HIF3A: variants seen among roughly 807,000 people sequenced by gnomAD.
The protein encoded by HIF3A is hypoxia inducible factor 3 subunit alpha, also known as hypoxia-inducible factor 3-alpha.
Under a neutral mutation model 67.2 loss-of-function variants are expected in HIF3A, and 41 were observed. The ratio of observed to expected loss-of-function variants is 0.61; its 90% CI spans 0.48 to 0.79. HIF3A has a LOEUF of 0.79. Among genes scored for constraint, HIF3A ranks in the 30% least tolerant of loss-of-function variants. HIF3A has a pLI of 0.00. For missense variants in HIF3A, 855 were observed against 898.0 expected (o/e 0.95, Z 0.61); for synonymous variants, 356 against 374.8 (o/e 0.95, Z 0.58).
At chr19:46,302,332 A>G (rs1968411443) in intron 1 of HIF3A, among the ~76,000 whole-genome samples, 1 of 152,100 alleles carries the variant, frequency 6.6e-6, no homozygotes, top group South Asian at 2.1e-4. Context: ...GGGTTTCACC[A>G]TGTTAGCCAG....
chr19:46,308,582 C>T (rs1601230734), intron 4 of HIF3A, 81 bp from the exon 5 acceptor site: 8 of 817,862 alleles, frequency 9.8e-6, no homozygotes, highest in Non-Finnish European at 1.6e-5. Flanking sequence ...GCTGGGGAGG[C>T]CTGAGCAGCC....
chr19:46,330,395 G>C (rs1971112225), intron 12 of HIF3A, among the ~76,000 whole-genome samples: 1 of 152,118 alleles, frequency 6.6e-6, no homozygotes, highest in African/African-American at 2.4e-5. Flanking sequence ...TGGATGTCTG[G>C]GTAGACAGAA....
At chr19:46,312,882 A>ATTTTTT (rs531816670) in intron 8 of HIF3A, 441 of 875,976 alleles carry the variant, frequency 5.0e-4, no homozygotes, top group Non-Finnish European at 5.4e-4. Flanking sequence ...TAGACTGTTA[A>ATTTTTT]TTTTTTTTTT....
intron 12 of HIF3A, 134 bp downstream of exon 12, chr19:46,329,612 A>T: frequency 9.1e-7 from 1 of 1,101,672 alleles, no homozygotes; most frequent in East Asian, 2.9e-5. Context: ...CGGTGGGCCC[A>T]GCACATGCCA....
chr19:46,319,833 TCCTC>T (rs1472715062), intron 8 of HIF3A, among the ~76,000 whole-genome samples: 4 of 152,252 alleles, frequency 2.6e-5, no homozygotes, highest in South Asian at 2.1e-4. Context: ...CCCTCAGTCT[TCCTC>T]CTCTCTGCCC....
intron 8 of HIF3A, chr19:46,313,031 C>T (rs1969602051): frequency 2.1e-6 from 2 of 967,044 alleles, no homozygotes; most frequent in Non-Finnish European, 1.2e-6. Flanking sequence ...GGGCGGATTG[C>T]CTGAGCTCAG....
chr19:46,332,675 A>G (rs1312576244), intron 13 of HIF3A, among the ~76,000 whole-genome samples: 2 of 152,012 alleles, frequency 1.3e-5, no homozygotes, highest in Non-Finnish European at 2.9e-5. Context: ...TGAATATGAG[A>G]TGTGGTTGAT....
chr19:46,311,954 G>A (rs569633282), intron 6 of HIF3A: 19 of 751,196 alleles, frequency 2.5e-5, no homozygotes, highest in African/African-American at 1.2e-4. Flanking sequence ...TACAGATTCC[G>A]GGAATTAGGA....
intron 8 of HIF3A, among the ~76,000 whole-genome samples, chr19:46,314,759 A>G (rs1243450000): frequency 6.8e-6 from 1 of 146,404 alleles, no homozygotes; most frequent in Non-Finnish European, 1.5e-5. Flanking sequence ...GGGTTTCACC[A>G]TGTTGGCCAG....
intron 3 of HIF3A, among the ~76,000 whole-genome samples, chr19:46,306,751 C>G (rs540852497): frequency 7.9e-5 from 12 of 152,186 alleles, no homozygotes; most frequent in African/African-American, 2.9e-4. Context: ...CTTTTTGGAC[C>G]CAGAGAGATG....
intron 13 of HIF3A, among the ~76,000 whole-genome samples, chr19:46,332,670 A>G (rs1326819193): frequency 1.3e-5 from 2 of 152,142 alleles, no homozygotes; most frequent in Non-Finnish European, 2.9e-5. Context: ...TTGTTTGAAT[A>G]TGAGATGTGG....
At chr19:46,299,441 C>T (rs556297895) in intron 1 of HIF3A, among the ~76,000 whole-genome samples, 86 of 152,266 alleles carry the variant, frequency 5.6e-4, no homozygotes, top group African/African-American at 2.0e-3. Flanking sequence ...ACGGGCAGGC[C>T]GGGTGCGGTG....
In HIF3A at chr19:46,300,970, C is replaced by T. The variant is rs551987354; in HGVS notation, c.27-2928C>T. ...CACTGGCCCCACCTCCCTGCCAGTT[C>T]CCACTCCCTGTTCCCTGTCGGGCCC... On this transcript the variant is annotated intron_variant, in intron 1 of 14. Transcript: ENST00000377670. Among the ~76,000 whole-genome samples the T allele has an allele frequency of 3.3e-5, 5 of 152,006 alleles. No homozygotes were observed. In the East Asian group the frequency reaches 9.8e-4, roughly 30 times the overall value.
chr19:46,298,557 T>C (rs1475495133), intron 1 of HIF3A: 2 of 1,220,446 alleles, frequency 1.6e-6, no homozygotes, highest in Admixed American at 5.3e-5. Context: ...TCCCTTCCTC[T>C]AGCTGGGGCT....
At chr19:46,317,239 G>A (rs1969988788) in intron 8 of HIF3A, among the ~76,000 whole-genome samples, 1 of 151,988 alleles carries the variant, frequency 6.6e-6, no homozygotes, top group African/African-American at 2.4e-5. Context: ...TTTAAAAATA[G>A]GGATGGGGTC....
chr19:46,298,363 G>GGCCCCC, intron 1 of HIF3A: 1 of 1,256,674 alleles, frequency 8.0e-7, no homozygotes, highest in Non-Finnish European at 1.0e-6. Flanking sequence ...GAGCTCGGGT[G>GGCCCCC]CCCCCCCTCC....
In HIF3A at chr19:46,303,958, G is replaced by C. The variant is rs750856621; in HGVS notation, c.87G>C (p.Gln29His). 1.9e-6 allele frequency: 3 copies of C among 1,605,582 alleles called. No homozygotes were observed. In the African/African-American group the frequency reaches 4.0e-5, roughly 21 times the overall value. The change falls in exon 2 of 15, where the codon CAG becomes CAC. Residue 29 changes from glutamine (Q) to histidine (H), a missense_variant. Physicochemically the swap from Gln to His is conservative, Grantham distance 24. Around this residue, in one of 3 missense-constraint regions of HIF3A, gnomAD observed 638 missense variants for 660.5 expected, o/e 0.97. Coordinates refer to ENST00000377670, the MANE Select transcript of HIF3A (RefSeq NM_152795.4). ...SRDAARSRRS[Q>H]ETEVLYQLAH... Reference sequence around the variant, plus strand: ...ATGCGGCCCGCAGCCGGCGCAGCCAGGAGACCGAGGTGCTGTACCAGCTGG... The same window carrying C: ...ATGCGGCCCGCAGCCGGCGCAGCCACGAGACCGAGGTGCTGTACCAGCTGG...
At chr19:46,302,630 TG>T (rs1234709278) in intron 1 of HIF3A, among the ~76,000 whole-genome samples, 2 of 152,134 alleles carry the variant, frequency 1.3e-5, no homozygotes, top group Non-Finnish European at 2.9e-5. Context: ...TCCCAGAATT[TG>T]GGGAGGCCAA....
intron 4 of HIF3A, 164 bp downstream of exon 4, chr19:46,308,469 G>A: frequency 1.6e-6 from 1 of 636,664 alleles, no homozygotes; most frequent in Non-Finnish European, 2.7e-6. Flanking sequence ...ACCCTGCCCT[G>A]GGGGGGTCTG....
Sources: gnomAD v4.1 joint callset for allele counts (sites outside exome capture counted in the v4.1 genomes callset) on GRCh38, gnomAD v4.1.1 for gene constraint, gnomAD v4.1.1 regional missense constraint, MANE v1.5 for transcripts, NCBI Gene and HGNC (gene_info 2026-07-23, HGNC 2026-07-21) for gene names.